Variants in PIEZO2 observed in about 807,000 individuals in gnomAD.
The protein encoded by PIEZO2 is piezo-type mechanosensitive ion channel component 2.
Under a neutral mutation model 337.3 loss-of-function variants are expected in PIEZO2, and 172 were observed. That is an observed-to-expected ratio of 0.51 (90% CI 0.45 to 0.58). The LOEUF (loss-of-function observed/expected upper bound fraction) is 0.58, where lower values mean the gene tolerates loss of function less well. PIEZO2 is among the 20% of genes least tolerant of loss of function. The pLI, the probability that PIEZO2 is intolerant of heterozygous loss-of-function variation, is 0.00. For synonymous variants in PIEZO2, 1,251 were observed against 1,228.5 expected, an observed-to-expected ratio of 1.02 and a Z score of -0.38; for missense variants, 3,028 against 3,391.3, an observed-to-expected ratio of 0.89 and a Z score of 2.66.
At chr18:11,056,194 G>T (rs1206021186) in intron 2 of PIEZO2, among the ~76,000 whole-genome samples, 1 of 152,196 alleles carries the variant, frequency 6.6e-6, no homozygotes, top group African/African-American at 2.4e-5. Context: ...ACCCTGTGCT[G>T]AGTGGTCATT....
In PIEZO2 at chr18:10,781,666, A is replaced by T. The variant is rs1055279273; in HGVS notation, c.2493-1300T>A. Among the ~76,000 whole-genome samples the T allele has an allele frequency of 6.6e-6, 1 of 152,152 alleles. No homozygotes were observed. Among genetic ancestry groups the T allele is most frequent in the Non-Finnish European group, 1.5e-5 (1 of 68,040 alleles). Reference sequence around the variant, plus strand: ...CTTCCTATATTATTACATTTTCATAAGGCTAACTTTGTAAATTCTGTAAGT... The same window carrying T: ...CTTCCTATATTATTACATTTTCATATGGCTAACTTTGTAAATTCTGTAAGT... On this transcript the variant is annotated intron_variant, in intron 17 of 55. Coordinates refer to ENST00000674853, the MANE Select transcript of PIEZO2 (RefSeq NM_001378183.1). This position sits in a 1 kb window ranked among gnomAD's most constrained non-coding sequence, Gnocchi z 4.1.
Position 10,724,795 on chromosome 18 carries a change from C to G in PIEZO2, c.5030-6536G>C, listed in dbSNP as rs2036462780. 1 of 1,585,036 alleles carries G rather than the reference C, an allele frequency of 6.3e-7. No homozygotes were observed. Among genetic ancestry groups the G allele is most frequent in the South Asian group, 1.2e-5 (1 of 86,786 alleles). ...GGCAGTCCCCCCAGCACTGCAGCCC[C>G]AGCCTGAGCAGCAGTCGTTCTCACA... is the stretch of plus-strand genomic sequence containing the variant. On this transcript the variant is annotated intron_variant, in intron 36 of 55. Transcript: ENST00000674853. This position sits in a 1 kb window ranked among gnomAD's most constrained non-coding sequence, Gnocchi z 5.8.
chr18:10,945,287 C>T lies in PIEZO2; in HGVS notation c.287-34059G>A, dbSNP rs1160732054. ...CTCAAACTCCTGTGCTCAGGGGATC[C>T]TCCCACCTCAGCTTCCCAAAGTGCT... On this transcript the variant is annotated intron_variant, in intron 3 of 55. Transcript: ENST00000674853. This position sits in a 1 kb window ranked among gnomAD's most constrained non-coding sequence, Gnocchi z 4.0. Among the ~76,000 whole-genome samples the T allele has an allele frequency of 2.6e-5, 4 of 152,188 alleles. No individual in the cohort carries two copies. In the East Asian group the frequency reaches 7.7e-4, roughly 29 times the overall value.
At chr18:10,717,277 A>C (rs1221861134) in intron 37 of PIEZO2, among the ~76,000 whole-genome samples, 1 of 152,232 alleles carries the variant, frequency 6.6e-6, no homozygotes, top group Non-Finnish European at 1.5e-5. Flanking sequence ...GCTTTGCAGC[A>C]ATAAGAGTGT....
chr18:10,753,174 T>G (rs551425771), intron 27 of PIEZO2, among the ~76,000 whole-genome samples: 2 of 152,342 alleles, frequency 1.3e-5, no homozygotes, highest in East Asian at 3.9e-4. Flanking sequence ...TTTCTGTTTC[T>G]ATGGGAGGCA....
At chr18:10,967,744 T>C (rs1411350165) in intron 3 of PIEZO2, among the ~76,000 whole-genome samples, 3 of 152,212 alleles carry the variant, frequency 2.0e-5, no homozygotes, top group African/African-American at 7.2e-5. Context: ...TATCTTCTTT[T>C]GAGAATTGTC....
intron 1 of PIEZO2, among the ~76,000 whole-genome samples, chr18:11,107,663 C>G (rs560610386): frequency 6.6e-6 from 1 of 152,150 alleles, no homozygotes; most frequent in Non-Finnish European, 1.5e-5. Context: ...GAAATGCTGG[C>G]CCTGCCTAAA....
rs2039538620 is a variant in PIEZO2, at chr18:11,105,712, C to T, written c.65-39490G>A. The stretch of plus-strand genomic sequence containing the variant: ...TGAAAGCCTGAGCTGGGGAATGTTT[C>T]ATGAATGCTAGTGCTGCTTGAGGCT... On this transcript the variant is annotated intron_variant, in intron 1 of 55. Coordinates refer to ENST00000674853, the MANE Select transcript of PIEZO2 (RefSeq NM_001378183.1). The surrounding 1 kb of genome is among the most constrained non-coding windows in gnomAD (Gnocchi z 4.3). 6.6e-6 allele frequency among the ~76,000 whole-genome samples: 1 copy of T among 152,160 alleles called. No homozygotes were observed. Among genetic ancestry groups the T allele is most frequent in the Non-Finnish European group, 1.5e-5 (1 of 68,032 alleles).
chr18:10,798,526 A>G (rs1831324017), intron 11 of PIEZO2, among the ~76,000 whole-genome samples: 1 of 152,238 alleles, frequency 6.6e-6, no homozygotes, highest in Non-Finnish European at 1.5e-5. Flanking sequence ...TGAAAACACC[A>G]AATCTGATGG....
rs528777390 is a variant in PIEZO2, at chr18:11,132,262, G to A, written c.64+16263C>T. On this transcript the variant is annotated intron_variant, in intron 1 of 55. Transcript: ENST00000674853. This position sits in a 1 kb window ranked among gnomAD's most constrained non-coding sequence, Gnocchi z 4.7. ...ATCCACCAACATGGTATTCCACACC[G>A]CATTGCCTCTGACCAAGGCACTCAC... 5.3e-5 allele frequency among the ~76,000 whole-genome samples: 8 copies of A among 152,240 alleles called. No homozygotes were observed. The highest frequency in any genetic ancestry group is 7.4e-5 in the Non-Finnish European group (5 of 68,018).
At chr18:10,734,949 A>T (rs1200407653) in intron 35 of PIEZO2, among the ~76,000 whole-genome samples, 3 of 152,222 alleles carry the variant, frequency 2.0e-5, no homozygotes, top group Non-Finnish European at 4.4e-5. Flanking sequence ...TGACTTAGGC[A>T]ACACCATGAG....
chr18:10,709,010 T>C (rs1202419756), intron 39 of PIEZO2, among the ~76,000 whole-genome samples: 1 of 152,200 alleles, frequency 6.6e-6, no homozygotes, highest in Non-Finnish European at 1.5e-5. Context: ...TTAAGCCAAA[T>C]GAGATGCTCT....
At chr18:10,757,903 A>T in intron 27 of PIEZO2, 66 bp downstream of exon 27, 2 of 1,388,458 alleles carry the variant, frequency 1.4e-6, no homozygotes, top group Non-Finnish European at 1.9e-6. Context: ...GAGAAAGTAT[A>T]GAGGAGCAAT....
intron 2 of PIEZO2, among the ~76,000 whole-genome samples, chr18:11,058,948 T>A (rs187334454): frequency 4.1e-4 from 62 of 152,176 alleles, no homozygotes; most frequent in African/African-American, 1.5e-3. Flanking sequence ...CCAAGACACA[T>A]CATTGTCAGA....
intron 2 of PIEZO2, among the ~76,000 whole-genome samples, chr18:10,990,372 G>A (rs754159830): frequency 6.6e-6 from 1 of 152,066 alleles, no homozygotes; most frequent in Non-Finnish European, 1.5e-5. Context: ...AATAAGACAA[G>A]CTCTTTGGTT....
intron 49 of PIEZO2, among the ~76,000 whole-genome samples, chr18:10,686,593 G>A (rs941510078): frequency 2.6e-5 from 4 of 152,184 alleles, no homozygotes; most frequent in Non-Finnish European, 4.4e-5. Flanking sequence ...GGCCATATAT[G>A]GATGAACAGA....
chr18:10,723,713 C>T (rs529387067), intron 36 of PIEZO2, among the ~76,000 whole-genome samples: 49 of 152,084 alleles, frequency 3.2e-4, no homozygotes, highest in Non-Finnish European at 4.6e-4. Context: ...GGACTGAGTC[C>T]TGGAACAGAG....
intron 2 of PIEZO2, among the ~76,000 whole-genome samples, chr18:11,057,139 G>T (rs1359407121): frequency 6.6e-6 from 1 of 152,036 alleles, no homozygotes; most frequent in African/African-American, 2.4e-5. Flanking sequence ...TCTCCTGAGG[G>T]TCTAGCGGCT....
intron 36 of PIEZO2, among the ~76,000 whole-genome samples, chr18:10,723,902 A>G (rs569226037): frequency 1.1e-4 from 16 of 152,236 alleles, no homozygotes; most frequent in Admixed American, 1.3e-4. Flanking sequence ...GGGTACTGGC[A>G]TAAGCATGGG....
Sources: gnomAD v4.1 joint callset for allele counts (sites outside exome capture counted in the v4.1 genomes callset) on GRCh38, gnomAD v4.1.1 for gene constraint, Gnocchi (gnomAD v3.1) non-coding constraint, MANE v1.5 for transcripts, NCBI Gene and HGNC (gene_info 2026-07-23, HGNC 2026-07-21) for gene names.